The following CFAP276 variants were observed in gnomAD, a reference collection of about 807,000 sequenced individuals.
The protein encoded by CFAP276 is cilia- and flagella-associated protein 276.
At chr1:109,112,616 C>T in the CFAP276 span, 3 of 1,550,568 alleles carry the variant, frequency 1.9e-6, no homozygotes, top group Non-Finnish European at 2.6e-6. Flanking sequence ...GCCCGCAGTT[C>T]TCCTAAGTAG....
At chr1:109,107,819 G>A in the CFAP276 span, 621 of 943,836 alleles carry the variant, frequency 6.6e-4, 1 homozygote, top group African/African-American at 9.0e-3. Context: ...TTCAGGCTAC[G>A]GTAAACCATG....
chr1:109,112,667 G>A, the CFAP276 span: 4 of 1,550,294 alleles, frequency 2.6e-6, no homozygotes, highest in African/African-American at 1.4e-5. Context: ...AAAGGGTCCC[G>A]GGTGGGAGGC....
chr1:109,107,007 C>T, the CFAP276 span: 1 of 1,610,438 alleles, frequency 6.2e-7, no homozygotes, highest in Non-Finnish European at 8.5e-7. Context: ...TACCACTTAC[C>T]TATAGGTATC....
the CFAP276 span, chr1:109,107,803 G>A: frequency 1.3e-6 from 1 of 747,468 alleles, no homozygotes; most frequent in Non-Finnish European, 2.2e-6. Flanking sequence ...GCCTGAGCCT[G>A]GGAGGTTCAG....
At chr1:109,107,186 T>C in the CFAP276 span, 1 of 1,257,862 alleles carries the variant, frequency 8.0e-7, no homozygotes, top group Non-Finnish European at 1.2e-6. Flanking sequence ...AGTCAGGTTC[T>C]ATTGTGCTCT....
the CFAP276 span, among the ~76,000 whole-genome samples, chr1:109,111,472 C>G: frequency 7.1e-6 from 1 of 141,478 alleles, no homozygotes; most frequent in East Asian, 2.1e-4. Context: ...GACCCTGTCT[C>G]AAAAAAAAAA....
At chr1:109,106,678 A>T in the CFAP276 span, 5 of 1,611,740 alleles carry the variant, frequency 3.1e-6, no homozygotes, top group Admixed American at 8.4e-5. Flanking sequence ...AGGCATAGGG[A>T]AGAAAAGTGG....
the CFAP276 span, chr1:109,113,576 T>C: frequency 1.3e-6 from 2 of 1,571,636 alleles, no homozygotes; most frequent in Non-Finnish European, 1.8e-6. Flanking sequence ...AAAGCACGGA[T>C]GGATTTGGCG....
At chr1:109,106,267 C>T in the CFAP276 span, among the ~76,000 whole-genome samples, 1 of 152,184 alleles carries the variant, frequency 6.6e-6, no homozygotes, top group East Asian at 1.9e-4. Flanking sequence ...CTTCCACCCC[C>T]AGGTTTTTGC....
At chr1:109,111,789 C>A in the CFAP276 span, among the ~76,000 whole-genome samples, 1 of 152,196 alleles carries the variant, frequency 6.6e-6, no homozygotes, top group Non-Finnish European at 1.5e-5. Flanking sequence ...ATTTGGACAT[C>A]AAAATGCATC....
At chr1:109,112,933 T>C in the CFAP276 span, among the ~76,000 whole-genome samples, 1 of 152,018 alleles carries the variant, frequency 6.6e-6, no homozygotes, top group Admixed American at 6.5e-5. Context: ...AGACTTGGAA[T>C]TGCACTCCTG....
chr1:109,109,940 G>T, the CFAP276 span, among the ~76,000 whole-genome samples: 7 of 152,242 alleles, frequency 4.6e-5, no homozygotes, highest in East Asian at 1.4e-3. Flanking sequence ...TGCCAGCATA[G>T]GCTCAGTTGT....
chr1:109,113,778 G>A, the CFAP276 span: 41 of 1,334,292 alleles, frequency 3.1e-5, no homozygotes, highest in Non-Finnish European at 4.4e-5. Context: ...TTTGTTGGCT[G>A]GCTTGGAGGA....
the CFAP276 span, chr1:109,106,690 G>C: frequency 1.2e-6 from 2 of 1,606,126 alleles, no homozygotes; most frequent in Admixed American, 3.4e-5. Context: ...GAAAAGTGGA[G>C]AGTGAAATCA....
At chr1:109,107,299 A>G in the CFAP276 span, among the ~76,000 whole-genome samples, 1 of 152,216 alleles carries the variant, frequency 6.6e-6, no homozygotes, top group Admixed American at 6.5e-5. Flanking sequence ...ATATGGAATT[A>G]TCTTTGGGTT....
chr1:109,112,752 TC>T, the CFAP276 span: 1 of 1,531,130 alleles, frequency 6.5e-7, no homozygotes, highest in Non-Finnish European at 8.8e-7. Context: ...TGGCATAAGA[TC>T]CCGGGTCCCA....
chr1:109,113,629 G>T, the CFAP276 span: 1 of 1,613,682 alleles, frequency 6.2e-7, no homozygotes, highest in Non-Finnish European at 8.5e-7. Context: ...GAGGGAACAC[G>T]TACTGGGGCC....
the CFAP276 span, among the ~76,000 whole-genome samples, chr1:109,112,301 G>A: frequency 6.6e-6 from 1 of 152,172 alleles, no homozygotes; most frequent in Admixed American, 6.5e-5. Flanking sequence ...TCCAAATAGG[G>A]AAATGGGTAG....
the CFAP276 span, chr1:109,106,141 G>A: frequency 1.9e-5 from 29 of 1,535,602 alleles, no homozygotes; most frequent in Middle Eastern, 3.4e-4. Context: ...ATTTCAGATC[G>A]TTGGCCTTTT....
Sources: allele counts gnomAD v4.1 joint callset (sites outside exome capture counted in the v4.1 genomes callset), GRCh38; gene constraint gnomAD v4.1.1; transcripts MANE v1.5; gene names NCBI Gene and HGNC (gene_info 2026-07-23, HGNC 2026-07-21).